Variants in CTNND2 observed in about 807,000 individuals in gnomAD.
CTNND2 encodes the protein catenin delta-2.
A neutral mutation model predicts 144.4 loss-of-function variants in CTNND2; 22 were observed. The ratio of observed to expected loss-of-function variants is 0.15; its 90% CI spans 0.11 to 0.22. The LOEUF (loss-of-function observed/expected upper bound fraction) is 0.22. CTNND2 is among the 10% of genes least tolerant of loss of function. The probability of loss-of-function intolerance (pLI) is 1.00; values close to 1 mark genes in which losing one functional copy is unlikely to be tolerated. For missense variants in CTNND2, 1,353 were observed against 1,618.8 expected (o/e 0.84, Z 2.82); for synonymous variants, 751 against 695.6 (o/e 1.08, Z -1.25).
intron 2 of CTNND2, among the ~76,000 whole-genome samples, chr5:11,622,078 G>C (rs1037547027): frequency 1.3e-5 from 2 of 152,092 alleles, no homozygotes; most frequent in Non-Finnish European, 2.9e-5. Flanking sequence ...CTGATACCAG[G>C]TTTATCATAA....
chr5:11,626,012 C>G (rs1001396068), intron 2 of CTNND2, among the ~76,000 whole-genome samples: 3 of 152,076 alleles, frequency 2.0e-5, no homozygotes, highest in Admixed American at 1.3e-4. Flanking sequence ...TTTCTGCTGA[C>G]AAGTATAGAA....
chr5:11,411,906 C>A, intron 4 of CTNND2, 129 bp downstream of exon 4: 5 of 800,042 alleles, frequency 6.2e-6, no homozygotes, highest in Non-Finnish European at 1.1e-5. Flanking sequence ...ATCATAACAA[C>A]TTCATCTAAT....
chr5:11,472,341 T>C (rs567913551), intron 3 of CTNND2, among the ~76,000 whole-genome samples: 1 of 152,334 alleles, frequency 6.6e-6, no homozygotes, highest in African/African-American at 2.4e-5. Flanking sequence ...TCTAACTATT[T>C]TATCATTTTA....
chr5:11,791,841 C>T (rs544006203), intron 1 of CTNND2, among the ~76,000 whole-genome samples: 1 of 152,244 alleles, frequency 6.6e-6, no homozygotes, highest in South Asian at 2.1e-4. Flanking sequence ...CTCCCCATCC[C>T]TCCCTATTTT....
intron 3 of CTNND2, among the ~76,000 whole-genome samples, chr5:11,530,306 T>C (rs961792958): frequency 6.6e-6 from 1 of 152,158 alleles, no homozygotes; most frequent in Non-Finnish European, 1.5e-5. Context: ...TGAATAATCC[T>C]GCCTCGATAA....
At chr5:11,021,813 G>A (rs1164200033) in intron 17 of CTNND2, among the ~76,000 whole-genome samples, 1 of 152,032 alleles carries the variant, frequency 6.6e-6, no homozygotes, top group Non-Finnish European at 1.5e-5. Context: ...GTAAAAGAAT[G>A]GGGGGTGGGG....
chr5:11,271,228 A>G (rs1745976652), intron 9 of CTNND2, among the ~76,000 whole-genome samples: 2 of 152,182 alleles, frequency 1.3e-5, no homozygotes, highest in African/African-American at 4.8e-5. Context: ...GTTCATGACC[A>G]ATAAACGTAT....
intron 2 of CTNND2, among the ~76,000 whole-genome samples, chr5:11,595,796 C>T (rs563490044): frequency 6.6e-5 from 10 of 152,254 alleles, no homozygotes; most frequent in East Asian, 1.9e-4. Context: ...TTATCAAATA[C>T]ACAACGACAA....
intron 2 of CTNND2, among the ~76,000 whole-genome samples, chr5:11,681,511 G>A (rs963133984): frequency 6.6e-6 from 1 of 152,102 alleles, no homozygotes; most frequent in African/African-American, 2.4e-5. Context: ...CTTCTATTGT[G>A]CATGTGCTGA....
chr5:11,565,801 A>G (rs907489995), intron 2 of CTNND2, among the ~76,000 whole-genome samples: 4 of 152,348 alleles, frequency 2.6e-5, no homozygotes, highest in South Asian at 2.1e-4. Context: ...ATTTTGTACC[A>G]TATTTTACTA....
intron 11 of CTNND2, among the ~76,000 whole-genome samples, chr5:11,164,982 A>G (rs1759159146): frequency 1.3e-5 from 2 of 152,196 alleles, no homozygotes; most frequent in African/African-American, 2.4e-5. Flanking sequence ...CATGAACCAA[A>G]CAAGCACTAA....
chr5:11,351,790 TGAAAACATTAAGCAC>T (rs1755363073), intron 8 of CTNND2, among the ~76,000 whole-genome samples: 1 of 152,144 alleles, frequency 6.6e-6, no homozygotes, highest in Non-Finnish European at 1.5e-5. Context: ...CAGATAAATA[TGAAAACATTAAGCAC>T]ATTTACATGT....
chr5:11,330,151 TCAGA>T (rs1028302752), intron 9 of CTNND2, among the ~76,000 whole-genome samples: 1 of 151,866 alleles, frequency 6.6e-6, no homozygotes, highest in Non-Finnish European at 1.5e-5. Context: ...TGTAGGATAA[TCAGA>T]CAGAAACTTG....
chr5:11,751,442 T>G (rs1301593255), intron 1 of CTNND2, among the ~76,000 whole-genome samples: 1 of 151,866 alleles, frequency 6.6e-6, no homozygotes, highest in Admixed American at 6.6e-5. Flanking sequence ...TGTGTCCACA[T>G]GTACTCAATA....
intron 1 of CTNND2, among the ~76,000 whole-genome samples, chr5:11,885,411 G>C (rs1736445314): frequency 6.6e-6 from 1 of 152,034 alleles, no homozygotes; most frequent in Non-Finnish European, 1.5e-5. Flanking sequence ...TTATATCAAA[G>C]AGAATACACT....
At chr5:11,576,369 A>G (rs971622993) in intron 2 of CTNND2, among the ~76,000 whole-genome samples, 3 of 150,976 alleles carry the variant, frequency 2.0e-5, no homozygotes, top group Non-Finnish European at 4.4e-5. Flanking sequence ...TTAATCATAT[A>G]AAATATAGTT....
At chr5:11,800,802 A>G (rs1391207497) in intron 1 of CTNND2, among the ~76,000 whole-genome samples, 1 of 152,218 alleles carries the variant, frequency 6.6e-6, no homozygotes, top group East Asian at 1.9e-4. Flanking sequence ...ATTGAGTATT[A>G]TATTTGAAAT....
intron 2 of CTNND2, among the ~76,000 whole-genome samples, chr5:11,648,039 A>AAATG (rs1430384819): frequency 6.6e-6 from 1 of 152,178 alleles, no homozygotes. Flanking sequence ...TTAAATCTGG[A>AAATG]TTTAGTACAT....
intron 2 of CTNND2, among the ~76,000 whole-genome samples, chr5:11,596,904 A>G (rs1269464831): frequency 6.6e-6 from 1 of 152,158 alleles, no homozygotes; most frequent in African/African-American, 2.4e-5. Context: ...ATATTTGGCA[A>G]TCAATCTTTC....
Sources: allele counts gnomAD v4.1 joint callset (sites outside exome capture counted in the v4.1 genomes callset), GRCh38; gene constraint gnomAD v4.1.1; transcripts MANE v1.5; gene names NCBI Gene and HGNC (gene_info 2026-07-23, HGNC 2026-07-21).